The following ADCY8 variants were observed in gnomAD, a reference collection of about 807,000 sequenced individuals.
ADCY8 encodes the protein adenylate cyclase 8.
A neutral mutation model predicts 119.7 loss-of-function variants in ADCY8; 51 were observed. The ratio of observed to expected loss-of-function variants is 0.43; its 90% CI spans 0.34 to 0.54. The LOEUF (loss-of-function observed/expected upper bound fraction) is 0.54. ADCY8 is among the 20% of genes least tolerant of loss of function. The pLI is 0.03. For synonymous variants in ADCY8, 665 were observed against 651.0 expected (o/e 1.02, Z -0.33); for missense variants, 1,383 against 1,598.8 (o/e 0.87, Z 2.30).
chr8:130,973,688 T>A (rs1159973843), intron 2 of ADCY8, among the ~76,000 whole-genome samples: 1 of 152,188 alleles, frequency 6.6e-6, no homozygotes, highest in African/African-American at 2.4e-5. Context: ...AATTAACACA[T>A]ATGGAAAGAC....
intron 8 of ADCY8, among the ~76,000 whole-genome samples, chr8:130,877,681 A>G (rs1818618980): frequency 1.3e-5 from 2 of 152,230 alleles, no homozygotes; most frequent in African/African-American, 4.8e-5. Flanking sequence ...TTGAAGAGAG[A>G]AACAATCCTT....
chr8:131,029,219 T>C (rs533084208), intron 1 of ADCY8, among the ~76,000 whole-genome samples: 1 of 152,330 alleles, frequency 6.6e-6, no homozygotes, highest in African/African-American at 2.4e-5. Flanking sequence ...TGTCACTGTC[T>C]CCCATCATCC....
intron 1 of ADCY8, among the ~76,000 whole-genome samples, chr8:131,005,935 C>G (rs534763523): frequency 2.0e-5 from 3 of 152,228 alleles, no homozygotes; most frequent in Admixed American, 2.0e-4. Flanking sequence ...CTGCTGGAAC[C>G]CTGAATAATA....
rs371630273 is a variant in ADCY8 at position 130,884,878 on chromosome 8, G to A, written c.1912-117C>T. 3.3e-5 allele frequency: 34 copies of A among 1,039,734 alleles called. No homozygotes were observed. The African/African-American group carries it at 4.3e-4, about 13-fold the overall frequency. 64.4% of individuals were successfully genotyped at this position (1,039,734 alleles called of 1,614,324 possible). On this transcript the variant is annotated intron_variant, in intron 7 of 17. Transcript: ENST00000286355. ...AACAGTAATAGCATTCCATGCAGTT[G>A]TATTCAGTGAAACCTACAGAAGTTG...
intron 9 of ADCY8, among the ~76,000 whole-genome samples, chr8:130,852,942 A>G (rs990443395): frequency 1.3e-5 from 2 of 152,148 alleles, no homozygotes; most frequent in Non-Finnish European, 2.9e-5. Flanking sequence ...GTATTCATTG[A>G]CTTATGCTTT....
intron 5 of ADCY8, among the ~76,000 whole-genome samples, chr8:130,934,741 G>A (rs1246565828): frequency 2.0e-5 from 3 of 152,288 alleles, no homozygotes; most frequent in Admixed American, 2.0e-4. Context: ...TCTCTCCATA[G>A]TTCCTAAAGT....
At chr8:130,789,015 A>T (rs1815342915) in intron 15 of ADCY8, among the ~76,000 whole-genome samples, 1 of 152,184 alleles carries the variant, frequency 6.6e-6, no homozygotes, top group Non-Finnish European at 1.5e-5. Context: ...TTGCACTGGA[A>T]TGAGGGGACG....
At chr8:131,034,686 G>A (rs1336845120) in intron 1 of ADCY8, among the ~76,000 whole-genome samples, 1 of 151,912 alleles carries the variant, frequency 6.6e-6, no homozygotes, top group Non-Finnish European at 1.5e-5. Context: ...GCCTTTGATT[G>A]TACAGTTATC....
At chr8:130,981,301 C>T (rs1419245390) in intron 2 of ADCY8, among the ~76,000 whole-genome samples, 3 of 152,164 alleles carry the variant, frequency 2.0e-5, no homozygotes, top group Non-Finnish European at 4.4e-5. Flanking sequence ...TTCTGGTCAA[C>T]TGACCCATAC....
intron 5 of ADCY8, among the ~76,000 whole-genome samples, chr8:130,910,821 G>A (rs1819959027): frequency 1.3e-5 from 2 of 152,172 alleles, no homozygotes; most frequent in South Asian, 4.1e-4. Context: ...GTAGTCATGA[G>A]CGTTCTTTCT....
chr8:130,904,292 G>A (rs1586556254), intron 6 of ADCY8, among the ~76,000 whole-genome samples: 1 of 152,308 alleles, frequency 6.6e-6, no homozygotes, highest in East Asian at 1.9e-4. Context: ...GCCCTTCTGA[G>A]CCACACCTAA....
At chr8:130,936,856 T>C (rs368013958) in intron 5 of ADCY8, among the ~76,000 whole-genome samples, 1 of 152,218 alleles carries the variant, frequency 6.6e-6, no homozygotes, top group African/African-American at 2.4e-5. Context: ...TACAAACTTG[T>C]AGCACAAATA....
chr8:130,923,037 T>G (rs1820362135), intron 5 of ADCY8, among the ~76,000 whole-genome samples: 1 of 152,242 alleles, frequency 6.6e-6, no homozygotes, highest in African/African-American at 2.4e-5. Flanking sequence ...CAACAATTAT[T>G]TCTAGATATA....
intron 9 of ADCY8, among the ~76,000 whole-genome samples, chr8:130,857,098 G>A (rs1168778803): frequency 3.4e-5 from 5 of 146,698 alleles, no homozygotes. Context: ...TTTGTGGGGT[G>A]GGGGAGGGGG....
At chr8:130,827,770 T>G (rs10104127) in intron 12 of ADCY8, among the ~76,000 whole-genome samples, 34,354 of 152,174 alleles carry the variant, frequency 0.23, 3,949 homozygotes, top group Admixed American at 0.26. Flanking sequence ...CAACATTCAT[T>G]GAAATGGTAA....
chr8:130,886,002 C>T (rs1470934993), intron 7 of ADCY8, among the ~76,000 whole-genome samples: 2 of 151,988 alleles, frequency 1.3e-5, no homozygotes, highest in African/African-American at 4.8e-5. Context: ...TGCCGCCAAG[C>T]CAGATCTGCT....
At chr8:130,962,269 T>A (rs1016325700) in intron 2 of ADCY8, among the ~76,000 whole-genome samples, 2 of 152,178 alleles carry the variant, frequency 1.3e-5, no homozygotes, top group Non-Finnish European at 1.5e-5. Flanking sequence ...ATCATTTAAA[T>A]TCCCTGAAAA....
chr8:130,790,412 A>C (rs1815389612), intron 15 of ADCY8, among the ~76,000 whole-genome samples: 1 of 152,156 alleles, frequency 6.6e-6, no homozygotes, highest in African/African-American at 2.4e-5. Context: ...ATGATAGTAC[A>C]CAATCCCATT....
At chr8:130,794,889 C>T (rs998277569) in intron 15 of ADCY8, among the ~76,000 whole-genome samples, 13 of 152,132 alleles carry the variant, frequency 8.5e-5, no homozygotes, top group African/African-American at 3.1e-4. Context: ...GAGAAAATGG[C>T]TAAATTACAT....
Sources: gnomAD v4.1 joint callset for allele counts (sites outside exome capture counted in the v4.1 genomes callset) on GRCh38, gnomAD v4.1.1 for gene constraint, MANE v1.5 for transcripts, NCBI Gene and HGNC (gene_info 2026-07-23, HGNC 2026-07-21) for gene names.